Variants in PCDH15 observed in about 807,000 individuals in gnomAD.
PCDH15 encodes protocadherin related 15.
PCDH15 carries 129 observed loss-of-function variants against 178.5 expected under a neutral mutation model. The ratio of observed to expected loss-of-function variants is 0.72; its 90% CI spans 0.63 to 0.84. The LOEUF (loss-of-function observed/expected upper bound fraction) is 0.84, where lower values mean the gene tolerates loss of function less well. PCDH15 is among the 40% of genes least tolerant of loss of function. PCDH15 has a pLI of 0.00. For missense variants in PCDH15, 2,230 were observed against 2,099.9 expected (o/e 1.06, Z -1.21); for synonymous variants, 800 against 732.0 (o/e 1.09, Z -1.50).
At chr10:55,569,963 C>T (rs537191176) in intron 2 of PCDH15, among the ~76,000 whole-genome samples, 8 of 151,328 alleles carry the variant, frequency 5.3e-5, no homozygotes, top group Non-Finnish European at 1.0e-4. Context: ...CATAATAGTG[C>T]TATTTTTCCC....
At chr10:54,602,942 T>G (rs557561732) in intron 2 of PCDH15, among the ~76,000 whole-genome samples, 23 of 148,208 alleles carry the variant, frequency 1.6e-4, no homozygotes, top group Non-Finnish European at 2.9e-4. Flanking sequence ...CTTGTGGATG[T>G]CTTTGGTTAT....
intron 13 of PCDH15, among the ~76,000 whole-genome samples, chr10:54,177,304 G>A (rs1337207945): frequency 1.3e-5 from 2 of 152,120 alleles, no homozygotes; most frequent in African/African-American, 4.8e-5. Context: ...CATAGGCAGA[G>A]CACAGGATTT....
chr10:55,303,332 T>C (rs1165590534), intron 1 of PCDH15, among the ~76,000 whole-genome samples: 1 of 152,198 alleles, frequency 6.6e-6, no homozygotes, highest in East Asian at 1.9e-4. Flanking sequence ...CTTGCTTGAA[T>C]CAGATTGTTG....
chr10:54,188,932 T>G (rs2048717923), intron 11 of PCDH15, among the ~76,000 whole-genome samples: 2 of 151,920 alleles, frequency 1.3e-5, no homozygotes, highest in South Asian at 4.1e-4. Flanking sequence ...AAAAAAATGT[T>G]ATCTCCTCAG....
At chr10:54,589,347 A>G (rs1025602607) in intron 2 of PCDH15, among the ~76,000 whole-genome samples, 1 of 152,158 alleles carries the variant, frequency 6.6e-6, no homozygotes, top group African/African-American at 2.4e-5. Flanking sequence ...TTAGGTAATT[A>G]TTTCAATCAA....
At chr10:55,191,897 G>A (rs564904989) in intron 1 of PCDH15, among the ~76,000 whole-genome samples, 14 of 151,832 alleles carry the variant, frequency 9.2e-5, no homozygotes, top group African/African-American at 3.4e-4. Flanking sequence ...GCATGACACT[G>A]TGTTTGAACA....
At chr10:55,146,498 A>G (rs1189905872) in intron 2 of PCDH15, among the ~76,000 whole-genome samples, 3 of 151,956 alleles carry the variant, frequency 2.0e-5, no homozygotes, top group Admixed American at 6.6e-5. Flanking sequence ...TGTTACTTAG[A>G]AAAGAAAAAA....
At chr10:53,900,957 G>C (rs2082297395) in intron 26 of PCDH15, among the ~76,000 whole-genome samples, 1 of 152,068 alleles carries the variant, frequency 6.6e-6, no homozygotes, top group Non-Finnish European at 1.5e-5. Context: ...AACATAAGTG[G>C]TGATGTAAAA....
intron 1 of PCDH15, among the ~76,000 whole-genome samples, chr10:54,798,617 C>G (rs1038974262): frequency 1.3e-5 from 2 of 152,004 alleles, no homozygotes; most frequent in Non-Finnish European, 2.9e-5. Context: ...GACCAAAACC[C>G]ACTCTTAAAA....
chr10:55,425,628 C>T (rs777913757), intron 2 of PCDH15, among the ~76,000 whole-genome samples: 1 of 151,278 alleles, frequency 6.6e-6, no homozygotes, highest in Non-Finnish European at 1.5e-5. Flanking sequence ...TCTTGTGGGT[C>T]TGAGAAGAGT....
chr10:54,206,612 T>G (rs548332374), intron 10 of PCDH15, among the ~76,000 whole-genome samples: 83 of 152,212 alleles, frequency 5.5e-4, no homozygotes, highest in African/African-American at 1.9e-3. Context: ...ATAATGTATT[T>G]TGTAATAAGC....
At chr10:54,755,887 TG>T (rs1267986773) in intron 1 of PCDH15, among the ~76,000 whole-genome samples, 2 of 152,136 alleles carry the variant, frequency 1.3e-5, no homozygotes, top group South Asian at 2.1e-4. Context: ...TAGAGCACAA[TG>T]GATGCTAACT....
At chr10:53,992,318 A>G (rs932397249) in intron 21 of PCDH15, among the ~76,000 whole-genome samples, 3 of 152,088 alleles carry the variant, frequency 2.0e-5, no homozygotes, top group African/African-American at 7.2e-5. Context: ...GAACTGTAAC[A>G]CTCAGTGCGA....
chr10:54,724,399 T>G (rs1942133930), intron 1 of PCDH15, among the ~76,000 whole-genome samples: 2 of 151,644 alleles, frequency 1.3e-5, no homozygotes, highest in Admixed American at 1.3e-4. Context: ...AGAAAAAGTT[T>G]GAGGGTTGAA....
intron 3 of PCDH15, among the ~76,000 whole-genome samples, chr10:54,818,669 G>A (rs1016800473): frequency 6.6e-6 from 1 of 151,992 alleles, no homozygotes; most frequent in Non-Finnish European, 1.5e-5. Context: ...TGAAGACAAT[G>A]ATATGCCTGG....
At chr10:54,225,719 A>C (rs991065143) in intron 9 of PCDH15, among the ~76,000 whole-genome samples, 2 of 151,960 alleles carry the variant, frequency 1.3e-5, no homozygotes, top group African/African-American at 4.9e-5. Flanking sequence ...GATTGATTCA[A>C]TTTACATATA....
intron 2 of PCDH15, among the ~76,000 whole-genome samples, chr10:55,000,741 T>C (rs1839778006): frequency 1.3e-5 from 2 of 152,162 alleles, no homozygotes; most frequent in South Asian, 4.1e-4. Context: ...GTCCATGAAA[T>C]CTTCACAATT....
At chr10:54,045,799 G>A (rs1449165965) in intron 18 of PCDH15, among the ~76,000 whole-genome samples, 1 of 151,962 alleles carries the variant, frequency 6.6e-6, no homozygotes, top group Non-Finnish European at 1.5e-5. Context: ...TTTAAGCAAG[G>A]TCAAAAGAAT....
chr10:55,481,754 T>C (rs1160183997), intron 2 of PCDH15, among the ~76,000 whole-genome samples: 3 of 151,742 alleles, frequency 2.0e-5, no homozygotes, highest in Non-Finnish European at 4.4e-5. Flanking sequence ...TTACTTCCGA[T>C]TATGTTATCA....
Sources: allele counts gnomAD v4.1 joint callset (sites outside exome capture counted in the v4.1 genomes callset), GRCh38; gene constraint gnomAD v4.1.1; transcripts MANE v1.5; gene names NCBI Gene and HGNC (gene_info 2026-07-23, HGNC 2026-07-21).